The following INPP4B variants were observed in gnomAD, a reference collection of about 807,000 sequenced individuals.
INPP4B encodes inositol polyphosphate 4-phosphatase type II.
A neutral mutation model predicts 122.5 loss-of-function variants in INPP4B; 55 were observed. That is an observed-to-expected ratio of 0.45 (90% CI 0.36 to 0.56). The LOEUF is 0.56. Ranked by LOEUF, INPP4B falls within the 20% of genes least tolerant of loss-of-function variation. The pLI, the probability that INPP4B is intolerant of heterozygous loss-of-function variation, is 0.00. For synonymous variants in INPP4B, 403 were observed against 388.7 expected, an observed-to-expected ratio of 1.04 and a Z score of -0.43; for missense variants, 1,000 against 1,097.7, an observed-to-expected ratio of 0.91 and a Z score of 1.26.
chr4:142,561,877 G>A (rs1476631164), intron 2 of INPP4B, among the ~76,000 whole-genome samples: 7 of 152,106 alleles, frequency 4.6e-5, no homozygotes, highest in Admixed American at 4.6e-4. Flanking sequence ...TGTAAAAAAG[G>A]TTCTGTCTAA....
chr4:142,713,317 C>A (rs1367320914), intron 2 of INPP4B, among the ~76,000 whole-genome samples: 2 of 151,986 alleles, frequency 1.3e-5, no homozygotes, highest in African/African-American at 4.8e-5. Flanking sequence ...GTAGCCTGGG[C>A]TAGAGATAGA....
intron 2 of INPP4B, among the ~76,000 whole-genome samples, chr4:142,611,125 C>T (rs567608115): frequency 2.0e-5 from 3 of 152,276 alleles, no homozygotes; most frequent in African/African-American, 4.8e-5. Flanking sequence ...AAAGGGGAAG[C>T]AGGCATGGCA....
At chr4:142,805,502 A>C (rs189049046) in intron 1 of INPP4B, among the ~76,000 whole-genome samples, 1 of 152,328 alleles carries the variant, frequency 6.6e-6, no homozygotes, top group East Asian at 1.9e-4. Context: ...GCCCTTGAGC[A>C]ACATGGGTTT....
At chr4:142,299,885 G>A (rs1174712978) in intron 9 of INPP4B, among the ~76,000 whole-genome samples, 1 of 151,888 alleles carries the variant, frequency 6.6e-6, no homozygotes, top group Non-Finnish European at 1.5e-5. Flanking sequence ...GCTTGGATAT[G>A]ATTTTTTAAA....
At chr4:142,198,644 A>ATGCTTT (rs1839409350) in intron 14 of INPP4B, among the ~76,000 whole-genome samples, 1 of 151,824 alleles carries the variant, frequency 6.6e-6, no homozygotes, top group Admixed American at 6.6e-5. Flanking sequence ...AGTTCCCTAC[A>ATGCTTT]GTATTCCTTT....
chr4:142,167,686 C>T (rs1823473797), intron 16 of INPP4B, among the ~76,000 whole-genome samples: 1 of 151,654 alleles, frequency 6.6e-6, no homozygotes, highest in South Asian at 2.1e-4. Flanking sequence ...CTTTGCTACA[C>T]TAGTATGTTA....
chr4:142,242,797 C>T (rs1156930338), intron 11 of INPP4B, among the ~76,000 whole-genome samples: 1 of 152,144 alleles, frequency 6.6e-6, no homozygotes, highest in Admixed American at 6.6e-5. Context: ...ATCACATCCC[C>T]GTCTCTATCT....
chr4:142,641,341 A>G (rs1428045038), intron 2 of INPP4B, among the ~76,000 whole-genome samples: 1 of 152,096 alleles, frequency 6.6e-6, no homozygotes, highest in Non-Finnish European at 1.5e-5. Context: ...ACACATATAT[A>G]CATGTGCCAT....
chr4:142,229,392 T>G (rs1343689315), intron 12 of INPP4B, among the ~76,000 whole-genome samples: 5 of 152,088 alleles, frequency 3.3e-5, no homozygotes, highest in African/African-American at 1.2e-4. Context: ...TATTAATACA[T>G]GAACTATATA....
At chr4:142,672,665 C>T (rs1465223570) in intron 2 of INPP4B, among the ~76,000 whole-genome samples, 3 of 152,090 alleles carry the variant, frequency 2.0e-5, no homozygotes, top group Non-Finnish European at 2.9e-5. Flanking sequence ...CCATATCACA[C>T]ATGTGTTTTG....
At chr4:142,122,005 G>C in intron 21 of INPP4B, 123 bp downstream of exon 21, 1 of 663,268 alleles carries the variant, frequency 1.5e-6, no homozygotes, top group Non-Finnish European at 2.6e-6. Flanking sequence ...TTACCAAAAA[G>C]GAAAAGAAAA....
At chr4:142,313,755 A>T (rs1766424358) in intron 8 of INPP4B, among the ~76,000 whole-genome samples, 2 of 152,234 alleles carry the variant, frequency 1.3e-5, no homozygotes, top group Admixed American at 1.3e-4. Context: ...AACTAGTCCC[A>T]AGGAAGAGAT....
chr4:142,243,194 C>T (rs540995996), intron 11 of INPP4B, among the ~76,000 whole-genome samples: 86 of 152,248 alleles, frequency 5.6e-4, no homozygotes, highest in Admixed American at 1.7e-3. Flanking sequence ...AAAATGTAAA[C>T]TTTTTGACTA....
intron 2 of INPP4B, among the ~76,000 whole-genome samples, chr4:142,533,542 T>G (rs967801114): frequency 3.3e-5 from 5 of 152,140 alleles, no homozygotes; most frequent in African/African-American, 9.7e-5. Context: ...TAGTAGGAAC[T>G]GCTGTTGACA....
chr4:142,806,848 A>G (rs189659945), intron 1 of INPP4B, among the ~76,000 whole-genome samples: 2,318 of 147,924 alleles, frequency 0.016, 71 homozygotes, highest in African/African-American at 0.056. Context: ...AGAAAGAAAG[A>G]AAGGAGAAGA....
chr4:142,217,048 C>A (rs1847589882), intron 12 of INPP4B, among the ~76,000 whole-genome samples: 1 of 152,096 alleles, frequency 6.6e-6, no homozygotes, highest in Admixed American at 6.5e-5. Context: ...CAGGTTCTTT[C>A]CTTTACTGTA....
Position 142,117,005 on chromosome 4 carries a change from A to C in INPP4B, c.2136-4323T>G, listed in dbSNP as rs533371636. 3.9e-5 allele frequency among the ~76,000 whole-genome samples: 6 copies of C among 152,332 alleles called. No individual in the cohort carries two copies. In the South Asian group the frequency reaches 1.2e-3, roughly 32 times the overall value. ...ATCACTACTGATCTCACAGAAATAC[A>C]AACTATCATCAGAGAATACTATAAA... On this transcript the variant is annotated intron_variant, in intron 21 of 25. Transcript: ENST00000262992.
chr4:142,069,642 A>G (rs535057882), intron 25 of INPP4B, among the ~76,000 whole-genome samples: 18 of 152,220 alleles, frequency 1.2e-4, no homozygotes, highest in Non-Finnish European at 2.2e-4. Context: ...TAAAAAAATG[A>G]TAAAGGGGAT....
At chr4:142,625,922 C>A (rs1392559387) in intron 2 of INPP4B, among the ~76,000 whole-genome samples, 1 of 152,162 alleles carries the variant, frequency 6.6e-6, no homozygotes, top group Non-Finnish European at 1.5e-5. Context: ...GGAGAACTGG[C>A]TAGCCATATG....
Sources: gnomAD v4.1 joint callset for allele counts (sites outside exome capture counted in the v4.1 genomes callset) on GRCh38, gnomAD v4.1.1 for gene constraint, MANE v1.5 for transcripts, NCBI Gene and HGNC (gene_info 2026-07-23, HGNC 2026-07-21) for gene names.